Variants in MRPL37 observed in about 807,000 individuals in gnomAD.
MRPL37 encodes mitochondrial ribosomal protein L37.
MRPL37 carries 34 observed loss-of-function variants against 44.1 expected under a neutral mutation model. That is an observed-to-expected ratio of 0.77 (90% CI 0.59 to 1.03). The LOEUF (loss-of-function observed/expected upper bound fraction) is 1.03. MRPL37 is among the 50% of genes least tolerant of loss of function. The pLI is 0.00. For missense variants in MRPL37, 532 were observed against 543.7 expected (o/e 0.98, Z 0.21); for synonymous variants, 212 against 219.5 (o/e 0.97, Z 0.30).
chr1:54,213,425 A>G (rs1644177749), intron 5 of MRPL37, among the ~76,000 whole-genome samples: 1 of 152,162 alleles, frequency 6.6e-6, no homozygotes, highest in Admixed American at 6.5e-5. Flanking sequence ...GGAATGAGGA[A>G]AAGTACTGTT....
At chr1:54,218,832 A>C (rs1644215112), downstream of MRPL37, among the ~76,000 whole-genome samples, 1 of 152,262 alleles carries the variant, frequency 6.6e-6, no homozygotes, top group African/African-American at 2.4e-5. Context: ...CCTGATACAT[A>C]GCATATTTAA....
chr1:54,201,859 T>C (rs1198888738), intron 1 of MRPL37, among the ~76,000 whole-genome samples: 1 of 152,198 alleles, frequency 6.6e-6, no homozygotes, highest in Non-Finnish European at 1.5e-5. Context: ...TTATCACCTA[T>C]TTTTCATATG....
intron 4 of MRPL37, among the ~76,000 whole-genome samples, chr1:54,210,991 C>T (rs1309804148): frequency 6.6e-6 from 1 of 152,158 alleles, no homozygotes; most frequent in East Asian, 1.9e-4. Flanking sequence ...TCATCTTTGC[C>T]TCCTCCCCTG....
At chr1:54,224,353 G>A (rs1300103672), downstream of MRPL37, among the ~76,000 whole-genome samples, 1 of 152,138 alleles carries the variant, frequency 6.6e-6, no homozygotes, top group African/African-American at 2.4e-5. Flanking sequence ...CACCCATTTG[G>A]ACTCTCCCCA....
At chr1:54,223,374 C>T (rs1232277155), downstream of MRPL37, among the ~76,000 whole-genome samples, 3 of 152,238 alleles carry the variant, frequency 2.0e-5, no homozygotes, top group East Asian at 5.8e-4. Context: ...TGGGCTCAAT[C>T]TCCTGGAGTC....
chr1:54,225,124 GA>G, downstream of MRPL37: 3 of 1,234,338 alleles, frequency 2.4e-6, no homozygotes, highest in Non-Finnish European at 3.0e-6. Flanking sequence ...TCTACTTCCA[GA>G]AAAATAAAAG....
chr1:54,203,915 C>T (rs763810325), intron 1 of MRPL37, among the ~76,000 whole-genome samples: 16 of 152,318 alleles, frequency 1.1e-4, no homozygotes, highest in Non-Finnish European at 1.8e-4. Flanking sequence ...CAAAACCATG[C>T]ACACTTGTTA....
At chr1:54,214,463 G>C (rs972063269) in intron 5 of MRPL37, among the ~76,000 whole-genome samples, 1 of 152,136 alleles carries the variant, frequency 6.6e-6, no homozygotes, top group South Asian at 2.1e-4. Flanking sequence ...TGAAGGCTCC[G>C]AAAGATTAGG....
downstream of MRPL37, chr1:54,225,262 A>G: frequency 3.2e-6 from 4 of 1,234,214 alleles, no homozygotes; most frequent in Non-Finnish European, 4.0e-6. Context: ...GGCCATCGCG[A>G]CTCCACAAGA....
At chr1:54,202,845 G>C (rs1403507555) in intron 1 of MRPL37, among the ~76,000 whole-genome samples, 3 of 152,192 alleles carry the variant, frequency 2.0e-5, no homozygotes, top group Non-Finnish European at 4.4e-5. Context: ...TGTTCTTCCA[G>C]CTGAGATGGG....
chr1:54,206,905 T>TTGTG (rs56169941), intron 3 of MRPL37, among the ~76,000 whole-genome samples: 6 of 150,160 alleles, frequency 4.0e-5, no homozygotes, highest in South Asian at 2.1e-4. Context: ...CAGCTAATTT[T>TTGTG]TGTGTGTGTG....
At chr1:54,200,845 T>G (rs1014765542) in intron 1 of MRPL37, among the ~76,000 whole-genome samples, 1 of 152,238 alleles carries the variant, frequency 6.6e-6, no homozygotes, top group Admixed American at 6.5e-5. Flanking sequence ...CCTGGCTCTC[T>G]CTCTTTGACT....
chr1:54,223,695 G>A (rs191677852), downstream of MRPL37, among the ~76,000 whole-genome samples: 28 of 152,318 alleles, frequency 1.8e-4, no homozygotes, highest in Admixed American at 1.6e-3. Context: ...TGTGGACAGC[G>A]ATGACTCCAG....
chr1:54,211,998 G>A (rs943597318), intron 4 of MRPL37, among the ~76,000 whole-genome samples: 1 of 152,232 alleles, frequency 6.6e-6, no homozygotes, highest in Non-Finnish European at 1.5e-5. Context: ...GATGAGGCAA[G>A]TCATTTGTCA....
chr1:54,222,757 G>A (rs1349143091), downstream of MRPL37, among the ~76,000 whole-genome samples: 3 of 152,188 alleles, frequency 2.0e-5, no homozygotes, highest in Non-Finnish European at 2.9e-5. Context: ...TATGTCTGTA[G>A]TTCAGACCTG....
chr1:54,225,277 A>G, downstream of MRPL37: 3 of 1,234,316 alleles, frequency 2.4e-6, no homozygotes, highest in Non-Finnish European at 1.0e-6. Flanking sequence ...ACAAGAACAC[A>G]GAATTTGCAG....
intron 4 of MRPL37, 93 bp downstream of exon 4, chr1:54,210,224 C>A: frequency 7.9e-7 from 1 of 1,271,550 alleles, no homozygotes; most frequent in Non-Finnish European, 1.1e-6. Context: ...TTGCTAGGTG[C>A]TAGGCACCTC....
At position 54,200,287 on chromosome 1, in the gene MRPL37, C is replaced by G; in HGVS notation, c.44C>G (p.Ser15Cys). 2 of 1,608,086 alleles carry G rather than the reference C, an allele frequency of 1.2e-6. No individual in the cohort carries two copies. Among genetic ancestry groups the G allele is most frequent in the Non-Finnish European group, 1.7e-6 (2 of 1,177,638 alleles). ...SGPARRALAG[S>C]GQLGLGGFGA... ...CCCGCAAGGCGGGCGCTAGCTGGCT[C>G]CGGGCAGCTCGGCCTTGGGGGCTTC... is the stretch of plus-strand genomic sequence containing the variant. Residue 15 changes from serine (S) to cysteine (C), a missense_variant, in exon 1 of 7, where the codon TCC (serine) becomes TGC (cysteine). Physicochemically the swap from Ser to Cys is moderately radical, Grantham distance 112. Transcript: ENST00000360840.
chr1:54,218,243 T>C lies in MRPL37; in HGVS notation c.1266T>C (p.Ala422=). 1 of 1,614,230 alleles carries C rather than the reference T, an allele frequency of 6.2e-7. No homozygotes were observed. The highest frequency in any genetic ancestry group is 8.5e-7 in the Non-Finnish European group (1 of 1,180,040). ...TTTTAGCTCTATATTTGCATGGTGC[T>C]GCGTGAGCGGAGGACCCCTCTGAAT... ...RKFLALYLHG[A]A Residue 422 remains alanine (A), a synonymous_variant, in exon 7 of 7, where the codon GCT becomes GCC. Transcript: ENST00000360840.
Sources: gnomAD v4.1 joint callset for allele counts (sites outside exome capture counted in the v4.1 genomes callset) on GRCh38, gnomAD v4.1.1 for gene constraint, MANE v1.5 for transcripts, NCBI Gene and HGNC (gene_info 2026-07-23, HGNC 2026-07-21) for gene names.